The following ANKRD30A variants were observed in gnomAD, a reference collection of about 807,000 sequenced individuals.
ANKRD30A encodes ankyrin repeat domain-containing protein 30A.
ANKRD30A carries 170 observed loss-of-function variants against 166.3 expected under a neutral mutation model. That is an observed-to-expected ratio of 1.02 (90% CI 0.90 to 1.16). The LOEUF is 1.16. Among genes scored for constraint, ANKRD30A ranks in the 50% most tolerant of loss-of-function variants. The pLI is 0.00. For missense variants in ANKRD30A, 1,630 were observed against 1,518.0 expected, an observed-to-expected ratio of 1.07 and a Z score of -1.23; for synonymous variants, 564 against 508.9, an observed-to-expected ratio of 1.11 and a Z score of -1.46.
chr10:37,179,499 A>G (rs1840035905), intron 24 of ANKRD30A, among the ~76,000 whole-genome samples: 1 of 150,932 alleles, frequency 6.6e-6, no homozygotes, highest in Admixed American at 6.6e-5. Flanking sequence ...CATTATGGGA[A>G]TGAATACCCA....
chr10:37,160,308 C>T lies in ANKRD30A; in HGVS notation c.1900+1722C>T, dbSNP rs1201826. ...CACGAATTGGAAAAGTCCTACTTTT[C>T]AATACGCATTACAACTGTTACTCAT... On this transcript the variant is annotated intron_variant, in intron 15 of 35. Transcript: ENST00000361713. Among the ~76,000 whole-genome samples, 65 of 152,094 alleles carry T rather than the reference C, an allele frequency of 4.3e-4. 3 individuals are homozygous for T. Among genetic ancestry groups the T allele is most frequent in the Admixed American group, 4.2e-3 (64 of 15,270 alleles).
At chr10:37,254,678 CTTTTCTTTTT>C in the ANKRD30A span, among the ~76,000 whole-genome samples, 1 of 141,088 alleles carries the variant, frequency 7.1e-6, no homozygotes. Flanking sequence ...CTTTTCTTTT[CTTTTCTTTTT>C]TTTTTTTTTT....
chr10:37,205,445 G>C (rs1841931085), intron 31 of ANKRD30A, among the ~76,000 whole-genome samples: 1 of 146,974 alleles, frequency 6.8e-6, no homozygotes, highest in Non-Finnish European at 1.5e-5. Context: ...ACGGGGGCCT[G>C]TCATGGGGTG....
intron 27 of ANKRD30A, among the ~76,000 whole-genome samples, chr10:37,195,788 G>A (rs1472533692): frequency 1.3e-5 from 2 of 152,110 alleles, no homozygotes; most frequent in South Asian, 2.1e-4. Flanking sequence ...TTTCTCAGGC[G>A]ATGCTGCTGC....
At chr10:37,197,898 T>G (rs772706505) in intron 29 of ANKRD30A, among the ~76,000 whole-genome samples, 1 of 152,080 alleles carries the variant, frequency 6.6e-6, no homozygotes, top group African/African-American at 2.4e-5. Flanking sequence ...TTTCCAGTGT[T>G]GTCACTTTGA....
At chr10:37,214,560 ATG>A (rs1554828795) in intron 31 of ANKRD30A, among the ~76,000 whole-genome samples, 2 of 148,290 alleles carry the variant, frequency 1.3e-5, no homozygotes, top group East Asian at 2.0e-4. Context: ...ATATATATAT[ATG>A]TATAACTTTT....
chr10:37,127,046 C>CA lies in ANKRD30A; in HGVS notation c.221+1077dup, dbSNP rs71007622. 3.2e-3 allele frequency among the ~76,000 whole-genome samples: 52 copies of CA among 16,502 alleles called. 10 individuals are homozygous for CA. The highest frequency in any genetic ancestry group is 0.018 in the East Asian group (3 of 168). 10.8% of individuals were successfully genotyped at this position (16,502 alleles called of 152,430 possible). ...TAGGTGATAGAGTGAAACTCTGTCTCAAAAAAAAAAAAAAAAAAAAAAAAA... is the reference window on the plus strand; with the variant it reads ...TAGGTGATAGAGTGAAACTCTGTCTCAAAAAAAAAAAAAAAAAAAAAAAAAA... On this transcript the variant is annotated intron_variant, in intron 1 of 35. Transcript: ENST00000361713.
chr10:37,194,641 G>C (rs531008983), intron 27 of ANKRD30A, among the ~76,000 whole-genome samples: 1 of 152,106 alleles, frequency 6.6e-6, no homozygotes, highest in African/African-American at 2.4e-5. Flanking sequence ...CACCGTGCCC[G>C]GCCGATGTCT....
chr10:37,226,282 G>A (rs1843150848), intron 34 of ANKRD30A, among the ~76,000 whole-genome samples: 1 of 121,308 alleles, frequency 8.2e-6, no homozygotes. Context: ...ACAGGCCCCG[G>A]TGTGTGATGT....
At chr10:37,217,930 A>G (rs1457014223) in intron 33 of ANKRD30A, 52 bp downstream of exon 33, 1 of 1,265,726 alleles carries the variant, frequency 7.9e-7, no homozygotes, top group Non-Finnish European at 1.1e-6. Flanking sequence ...TTTCATCAAT[A>G]TTACTTTTAA....
Position 37,152,222 on chromosome 10 carries a change from C to T in ANKRD30A, c.1707+101C>T, listed in dbSNP as rs1838003623. On this transcript the variant is annotated intron_variant, in intron 12 of 35. Transcript: ENST00000361713. Reference sequence around the variant, plus strand: ...TATTTTCTCGCCTCTTCATATGTCACCCCGAAATTATTTTTGATATTTTTC... The same window carrying T: ...TATTTTCTCGCCTCTTCATATGTCATCCCGAAATTATTTTTGATATTTTTC... The T allele has an allele frequency of 1.0e-5, 10 of 964,046 alleles. No homozygotes were observed. In the East Asian group the frequency reaches 1.9e-4, roughly 18 times the overall value. 59.7% of individuals were successfully genotyped at this position (964,046 alleles called of 1,614,324 possible).
At chr10:37,149,093 G>A (rs1837718728) in intron 9 of ANKRD30A, among the ~76,000 whole-genome samples, 1 of 151,950 alleles carries the variant, frequency 6.6e-6, no homozygotes, top group African/African-American at 2.4e-5. Context: ...GCATTCAGAT[G>A]TATAAACTGG....
intron 8 of ANKRD30A, among the ~76,000 whole-genome samples, chr10:37,145,431 C>T (rs1244803446): frequency 2.0e-5 from 3 of 151,772 alleles, no homozygotes; most frequent in Non-Finnish European, 2.9e-5. Flanking sequence ...GAGCTGAGAT[C>T]GTGCCATTGC....
chr10:37,240,374 A>G, the ANKRD30A span, among the ~76,000 whole-genome samples: 2 of 152,166 alleles, frequency 1.3e-5, no homozygotes, highest in Non-Finnish European at 2.9e-5. Context: ...CAACAGACCC[A>G]AGACTCATCT....
intron 31 of ANKRD30A, among the ~76,000 whole-genome samples, chr10:37,208,366 G>A (rs1409381756): frequency 6.6e-6 from 1 of 152,166 alleles, no homozygotes; most frequent in East Asian, 1.9e-4. Context: ...CAGGGCACTG[G>A]GCATTACACA....
intron 19 of ANKRD30A, among the ~76,000 whole-genome samples, chr10:37,167,377 T>C (rs1839441047): frequency 6.7e-6 from 1 of 150,358 alleles, no homozygotes; most frequent in Non-Finnish European, 1.5e-5. Context: ...ACCTTGGCTT[T>C]ATTTTTAAGG....
At chr10:37,191,055 A>G (rs1456562849) in intron 25 of ANKRD30A, among the ~76,000 whole-genome samples, 1 of 151,890 alleles carries the variant, frequency 6.6e-6, no homozygotes, top group Non-Finnish European at 1.5e-5. Flanking sequence ...TGTTATTCGT[A>G]GGTATTTTAC....
intron 13 of ANKRD30A, among the ~76,000 whole-genome samples, chr10:37,154,727 C>T (rs1477442861): frequency 6.6e-6 from 1 of 152,064 alleles, no homozygotes; most frequent in Non-Finnish European, 1.5e-5. Flanking sequence ...GAGAAGCCAG[C>T]TAGATGATTT....
At chr10:37,243,259 C>T in the ANKRD30A span, among the ~76,000 whole-genome samples, 12 of 150,932 alleles carry the variant, frequency 8.0e-5, no homozygotes, top group African/African-American at 2.4e-4. Context: ...CTCAGCCTCC[C>T]GAGTAGCTGG....
Sources: allele counts gnomAD v4.1 joint callset (sites outside exome capture counted in the v4.1 genomes callset), GRCh38; gene constraint gnomAD v4.1.1; transcripts MANE v1.5; gene names NCBI Gene and HGNC (gene_info 2026-07-23, HGNC 2026-07-21).